The following EPHA3 variants were observed in gnomAD, a reference collection of about 807,000 sequenced individuals.
EPHA3 encodes the protein EPH receptor A3.
A neutral mutation model predicts 107.1 loss-of-function variants in EPHA3; 42 were observed. The ratio of observed to expected loss-of-function variants is 0.39; its 90% confidence interval spans 0.31 to 0.51. EPHA3 has a LOEUF of 0.51. EPHA3 is among the 20% of genes least tolerant of loss of function. EPHA3 has a pLI of 0.78. For synonymous variants in EPHA3, 461 were observed against 424.8 expected, an observed-to-expected ratio of 1.09 and a Z score of -1.05; for missense variants, 1,183 against 1,211.2, an observed-to-expected ratio of 0.98 and a Z score of 0.35.
chr3:89,404,495 G>T (rs768238980), intron 7 of EPHA3, among the ~76,000 whole-genome samples: 2 of 152,112 alleles, frequency 1.3e-5, no homozygotes, highest in Non-Finnish European at 2.9e-5. Flanking sequence ...GTGTAGGATG[G>T]AGTAAAATGG....
At chr3:89,203,469 G>A (rs544307013) in intron 2 of EPHA3, among the ~76,000 whole-genome samples, 32 of 152,082 alleles carry the variant, frequency 2.1e-4, no homozygotes, top group Admixed American at 5.2e-4. Flanking sequence ...ATCCCAGCTG[G>A]GAGAAAAATA....
At chr3:89,373,824 A>C (rs1297212541) in intron 5 of EPHA3, among the ~76,000 whole-genome samples, 1 of 151,858 alleles carries the variant, frequency 6.6e-6, no homozygotes, top group Non-Finnish European at 1.5e-5. Flanking sequence ...ATTAACATAG[A>C]ACTAAATTGC....
At chr3:89,454,752 G>A (rs1364344375) in intron 15 of EPHA3, among the ~76,000 whole-genome samples, 1 of 152,154 alleles carries the variant, frequency 6.6e-6, no homozygotes, top group Non-Finnish European at 1.5e-5. Flanking sequence ...AGCTATTCAG[G>A]AGACTGGGGC....
chr3:89,431,381 C>CT (rs1229089779), intron 13 of EPHA3, 22 bp downstream of exon 13: 2 of 1,592,166 alleles, frequency 1.3e-6, no homozygotes, highest in Non-Finnish European at 1.7e-6. Flanking sequence ...AGATTTTCTC[C>CT]TTTTTTATCA....
intron 3 of EPHA3, among the ~76,000 whole-genome samples, chr3:89,297,554 T>C (rs1416257027): frequency 1.3e-5 from 2 of 152,112 alleles, no homozygotes. Context: ...TAGATCACCA[T>C]AAAAGGTATA....
chr3:89,244,317 G>A (rs1490491611), intron 3 of EPHA3, among the ~76,000 whole-genome samples: 5 of 151,888 alleles, frequency 3.3e-5, no homozygotes, highest in African/African-American at 1.2e-4. Flanking sequence ...TTGCTTATGT[G>A]TTTAAACTTT....
chr3:89,469,224 T>A (rs886768256), intron 15 of EPHA3, among the ~76,000 whole-genome samples: 1 of 152,140 alleles, frequency 6.6e-6, no homozygotes. Flanking sequence ...GGACAGAAGT[T>A]TGAAGAATCC....
At chr3:89,170,698 A>C (rs1375194310) in intron 2 of EPHA3, among the ~76,000 whole-genome samples, 2 of 152,216 alleles carry the variant, frequency 1.3e-5, no homozygotes, top group Non-Finnish European at 2.9e-5. Flanking sequence ...AGTTATAAAA[A>C]TGATACGTTT....
intron 2 of EPHA3, among the ~76,000 whole-genome samples, chr3:89,199,669 T>C (rs1705925012): frequency 6.6e-6 from 1 of 152,216 alleles, no homozygotes; most frequent in African/African-American, 2.4e-5. Context: ...CAAAACTATT[T>C]TCACCCTCTA....
chr3:89,115,413 G>T (rs1486264246), intron 1 of EPHA3, among the ~76,000 whole-genome samples: 2 of 152,094 alleles, frequency 1.3e-5, no homozygotes, highest in African/African-American at 4.8e-5. Context: ...TATTAAAACA[G>T]GATTTTTCCT....
chr3:89,247,866 A>G (rs1252542558), intron 3 of EPHA3, among the ~76,000 whole-genome samples: 1 of 152,190 alleles, frequency 6.6e-6, no homozygotes, highest in African/African-American at 2.4e-5. Context: ...GAAATTGTCT[A>G]TAGAGACTAA....
At chr3:89,253,088 G>T (rs564706226) in intron 3 of EPHA3, among the ~76,000 whole-genome samples, 1 of 151,926 alleles carries the variant, frequency 6.6e-6, no homozygotes, top group Non-Finnish European at 1.5e-5. Flanking sequence ...TGAAACGCTG[G>T]TTAAAAGAGT....
At chr3:89,456,209 GTCAAC>G (rs1710094897) in intron 15 of EPHA3, among the ~76,000 whole-genome samples, 4 of 152,070 alleles carry the variant, frequency 2.6e-5, no homozygotes, top group Non-Finnish European at 4.4e-5. Context: ...GTACCTTTCT[GTCAAC>G]TCAACTCCAG....
At chr3:89,385,897 T>C (rs766574852) in intron 5 of EPHA3, among the ~76,000 whole-genome samples, 1 of 152,166 alleles carries the variant, frequency 6.6e-6, no homozygotes, top group Non-Finnish European at 1.5e-5. Context: ...ATATAAACAA[T>C]GATGACCAGG....
chr3:89,128,677 A>G (rs1477823532), intron 2 of EPHA3, among the ~76,000 whole-genome samples: 1 of 149,650 alleles, frequency 6.7e-6, no homozygotes, highest in Non-Finnish European at 1.5e-5. Flanking sequence ...TAGACATACT[A>G]TATACTATAT....
At chr3:89,204,197 G>T (rs1177862428) in intron 2 of EPHA3, among the ~76,000 whole-genome samples, 5 of 151,902 alleles carry the variant, frequency 3.3e-5, no homozygotes, top group African/African-American at 1.2e-4. Context: ...TCAGTATACT[G>T]TGCCAAACTG....
At chr3:89,124,796 T>C (rs1385330871) in intron 1 of EPHA3, among the ~76,000 whole-genome samples, 1 of 152,018 alleles carries the variant, frequency 6.6e-6, no homozygotes, top group Non-Finnish European at 1.5e-5. Flanking sequence ...ATGCTGCTAA[T>C]TGTGTTTTTC....
At chr3:89,138,470 G>C (rs945652587) in intron 2 of EPHA3, among the ~76,000 whole-genome samples, 2 of 151,882 alleles carry the variant, frequency 1.3e-5, no homozygotes, top group Non-Finnish European at 2.9e-5. Context: ...TACAGAATTG[G>C]AAAGTCCCTG....
Position 89,391,408 on chromosome 3 carries a change from TTTTC to T in EPHA3, c.1307-4421_1307-4418del, listed in dbSNP as rs1337255381. On this transcript the variant is annotated intron_variant, in intron 5 of 16. Transcript: ENST00000336596. ...TTTTCTTTTCTTTTCTTTTCTTTTC[TTTTC>T]TTTCTTTTCTTTTTTTTTTTTTTTT... 2.7e-5 allele frequency among the ~76,000 whole-genome samples: 4 copies of T among 146,224 alleles called. 1 individual carries two copies. Among genetic ancestry groups the T allele is most frequent in the African/African-American group, 1.0e-4 (4 of 38,438 alleles).
Sources: allele counts gnomAD v4.1 joint callset (sites outside exome capture counted in the v4.1 genomes callset), GRCh38; gene constraint gnomAD v4.1.1; transcripts MANE v1.5; gene names NCBI Gene and HGNC (gene_info 2026-07-23, HGNC 2026-07-21).